The following MED12L variants were observed in gnomAD, a reference collection of about 807,000 sequenced individuals.
The protein encoded by MED12L is mediator complex subunit 12L.
In MED12L, 60 loss-of-function variants were observed where a neutral mutation model predicts 281.3. The observed-to-expected ratio is 0.21, with a 90% CI of 0.17 to 0.26. The LOEUF is 0.26. MED12L is among the 10% of genes least tolerant of loss of function. The pLI, the probability that MED12L is intolerant of heterozygous loss-of-function variation, is 1.00. For synonymous variants in MED12L, 974 were observed against 987.2 expected, an observed-to-expected ratio of 0.99 and a Z score of 0.25; for missense variants, 2,146 against 2,680.9, an observed-to-expected ratio of 0.80 and a Z score of 4.41.
chr3:151,265,943 C>G (rs553680502), intron 16 of MED12L, among the ~76,000 whole-genome samples: 1 of 152,258 alleles, frequency 6.6e-6, no homozygotes, highest in African/African-American at 2.4e-5. Flanking sequence ...AGGGCATCAG[C>G]GCTGGGCAAG....
At chr3:151,350,618 T>C (rs1753104933) in intron 17 of MED12L, among the ~76,000 whole-genome samples, 1 of 152,266 alleles carries the variant, frequency 6.6e-6, no homozygotes, top group South Asian at 2.1e-4. Flanking sequence ...TAGTTTTTTT[T>C]CTGGGGCACT....
chr3:151,225,787 A>G (rs1453339168), intron 16 of MED12L, among the ~76,000 whole-genome samples: 1 of 152,120 alleles, frequency 6.6e-6, no homozygotes, highest in East Asian at 1.9e-4. Context: ...TTGATGTTTG[A>G]CACTCACCAC....
intron 42 of MED12L, among the ~76,000 whole-genome samples, chr3:151,414,544 TG>T (rs1717335111): frequency 2.0e-5 from 3 of 152,246 alleles, no homozygotes; most frequent in Admixed American, 1.3e-4. Flanking sequence ...CAAGCTCCGG[TG>T]GGTTTGAGTC....
chr3:151,433,973 T>TATTA lies in MED12L; in HGVS notation c.*1170_*1173dup, dbSNP rs1181589661. On this transcript the variant is annotated 3_prime_UTR_variant, in exon 45 of 45. Transcript: ENST00000687756. ...GTTCAAGTATGTGGTAATTTGCTCCTATTAGAGTAAAAAAGAAACCAGTAA... is the reference window on the plus strand; with the variant it reads ...GTTCAAGTATGTGGTAATTTGCTCCTATTAATTAGAGTAAAAAAGAAACCAGTAA... 6.6e-6 allele frequency: 1 copy of TATTA among 152,664 alleles called. No homozygotes were observed. The highest frequency in any genetic ancestry group is 2.4e-5 in the African/African-American group (1 of 41,460). 9.5% of individuals were successfully genotyped at this position (152,664 alleles called of 1,614,324 possible). A position where few individuals can be genotyped will look rare whatever the true frequency, so the allele number is the denominator to read the frequency against.
intron 16 of MED12L, among the ~76,000 whole-genome samples, chr3:151,293,178 TAACA>T (rs1015798122): frequency 2.0e-5 from 3 of 152,216 alleles, no homozygotes; most frequent in African/African-American, 7.2e-5. Flanking sequence ...TTCCTCTACC[TAACA>T]ATGATAGTCA....
chr3:151,407,081 G>A lies in MED12L; in HGVS notation c.5821-2162G>A, dbSNP rs147590984. Among the ~76,000 whole-genome samples, 198 of 152,228 alleles carry A rather than the reference G, an allele frequency of 1.3e-3. 2 individuals carry two copies. The highest frequency in any genetic ancestry group is 4.3e-3 in the African/African-American group (179 of 41,540). On this transcript the variant is annotated intron_variant, in intron 39 of 44. Coordinates refer to ENST00000687756, the MANE Select transcript of MED12L (RefSeq NM_001393769.1). The stretch of plus-strand genomic sequence containing the variant: ...CTCCCAAAATGCTGAGATTAGAGGC[G>A]TGAGCCACCGCACCTGCCCAGTTCC...
At chr3:151,164,601 A>G (rs544762768) in intron 9 of MED12L, among the ~76,000 whole-genome samples, 7 of 152,338 alleles carry the variant, frequency 4.6e-5, no homozygotes, top group East Asian at 1.9e-4. Context: ...AACCAACCCA[A>G]ATGTCCAACA....
At chr3:151,151,031 C>CTTTTTTTTTTTTTTTTTG (rs1718409077) in intron 5 of MED12L, among the ~76,000 whole-genome samples, 1 of 32,880 alleles carries the variant, frequency 3.0e-5, no homozygotes, top group Non-Finnish European at 5.4e-5. Context: ...GCTGAAGTAG[C>CTTTTTTTTTTTTTTTTTG]TTTTTTTTTT....
At chr3:151,401,429 A>C (rs908983114) in intron 39 of MED12L, among the ~76,000 whole-genome samples, 1 of 151,768 alleles carries the variant, frequency 6.6e-6, no homozygotes, top group African/African-American at 2.4e-5. Flanking sequence ...GTATATGAGC[A>C]TTTTTCTTTC....
At chr3:151,135,956 G>C (rs1166978168) in intron 5 of MED12L, among the ~76,000 whole-genome samples, 1 of 152,132 alleles carries the variant, frequency 6.6e-6, no homozygotes, top group African/African-American at 2.4e-5. Context: ...ATGCGCATGA[G>C]GTCTTTTTTG....
At chr3:151,419,652 G>C (rs561178675) in intron 43 of MED12L, among the ~76,000 whole-genome samples, 1 of 152,020 alleles carries the variant, frequency 6.6e-6, no homozygotes, top group Non-Finnish European at 1.5e-5. Context: ...TTGTCTACTT[G>C]AGCCCATACA....
intron 19 of MED12L, 146 bp from the exon 20 acceptor site, chr3:151,357,067 A>C (rs1296112642): frequency 1.5e-6 from 1 of 664,814 alleles, no homozygotes; most frequent in Non-Finnish European, 2.5e-6. Context: ...TATAAATTGG[A>C]AAAGGATTAA....
At chr3:151,163,120 G>A (rs943071951) in intron 8 of MED12L, among the ~76,000 whole-genome samples, 3 of 152,114 alleles carry the variant, frequency 2.0e-5, no homozygotes, top group Admixed American at 1.3e-4. Flanking sequence ...ACTAATCTAC[G>A]CGGCTCATAG....
At chr3:151,400,979 G>A (rs1319763851) in intron 39 of MED12L, among the ~76,000 whole-genome samples, 2 of 152,014 alleles carry the variant, frequency 1.3e-5, no homozygotes, top group Admixed American at 1.3e-4. Context: ...CTTCTAAAGT[G>A]GGAATCCCCA....
At chr3:151,170,167 C>G (rs879568415) in intron 11 of MED12L, among the ~76,000 whole-genome samples, 2 of 152,132 alleles carry the variant, frequency 1.3e-5, no homozygotes, top group Non-Finnish European at 2.9e-5. Context: ...GGACTGTGGT[C>G]ATGAGAGTGG....
intron 16 of MED12L, among the ~76,000 whole-genome samples, chr3:151,283,087 T>C (rs1743025937): frequency 1.3e-5 from 2 of 152,320 alleles, no homozygotes; most frequent in East Asian, 1.9e-4. Flanking sequence ...AGAATTACAA[T>C]GGAGAAACAA....
At chr3:151,185,305 G>A (rs1317541672) in intron 11 of MED12L, 25 bp from the exon 12 acceptor site, 1 of 1,610,410 alleles carries the variant, frequency 6.2e-7, no homozygotes, top group Non-Finnish European at 8.5e-7. Flanking sequence ...TGATGTGGCT[G>A]GTACCCCTCT....
At chr3:151,363,610 C>T (rs1754897497) in intron 21 of MED12L, among the ~76,000 whole-genome samples, 1 of 152,170 alleles carries the variant, frequency 6.6e-6, no homozygotes, top group Non-Finnish European at 1.5e-5. Context: ...TGACAACCAA[C>T]ACATTTTTTA....
intron 11 of MED12L, among the ~76,000 whole-genome samples, chr3:151,174,181 G>A (rs1193686963): frequency 1.3e-5 from 2 of 152,108 alleles, no homozygotes; most frequent in Non-Finnish European, 2.9e-5. Flanking sequence ...TTGGATTTTG[G>A]AGCATTTCAG....
Sources: allele counts gnomAD v4.1 joint callset (sites outside exome capture counted in the v4.1 genomes callset), GRCh38; gene constraint gnomAD v4.1.1; transcripts MANE v1.5; gene names NCBI Gene and HGNC (gene_info 2026-07-23, HGNC 2026-07-21).